The following ASIP variants were observed in gnomAD, a reference collection of about 807,000 sequenced individuals.
The protein encoded by ASIP is agouti signaling protein.
ASIP carries 11 observed loss-of-function variants against 10.3 expected under a neutral mutation model. The observed-to-expected ratio is 1.07, with a 90% CI of 0.68 to 1.78. The LOEUF (loss-of-function observed/expected upper bound fraction) is 1.78, where lower values mean the gene tolerates loss of function less well. Among genes scored for constraint, ASIP ranks in the 40% most tolerant of loss-of-function variants. The pLI is 0.00. For synonymous variants in ASIP, 70 were observed against 70.8 expected, an observed-to-expected ratio of 0.99 and a Z score of 0.06; for missense variants, 180 against 169.2, an observed-to-expected ratio of 1.06 and a Z score of -0.35.
At position 34,269,172 on chromosome 20, in the gene ASIP, C is replaced by A; in HGVS notation, c.*5C>A. 4.0e-6 allele frequency: 6 copies of A among 1,505,244 alleles called. No homozygotes were observed. Among genetic ancestry groups the A allele is most frequent in the Non-Finnish European group, 5.3e-6 (6 of 1,126,396 alleles). 93.2% of individuals were successfully genotyped at this position (1,505,244 alleles called of 1,614,324 possible). ...GTGCTCAGCCTCAACTGCTGAGCGC[C>A]CCCACTCCCGGCCGCGAGCAGGCAG... On this transcript the variant is annotated 3_prime_UTR_variant, in exon 4 of 4. Transcript: ENST00000374954.
At chr20:34,263,015 G>A (rs2035722215) in intron 3 of ASIP, 122 bp downstream of exon 3, 3 of 1,145,016 alleles carry the variant, frequency 2.6e-6, no homozygotes, top group Non-Finnish European at 3.7e-6. Context: ...ATTAACAAAA[G>A]AAACTGAAAG....
At chr20:34,242,870 A>T (rs1353277013) in intron 1 of ASIP, among the ~76,000 whole-genome samples, 2 of 152,242 alleles carry the variant, frequency 1.3e-5, no homozygotes, top group African/African-American at 4.8e-5. Context: ...ACCCCAGGTA[A>T]AGGAATTCAG....
rs1314145786 is a variant in ASIP at position 34,268,979 on chromosome 20, T to C, written c.223-12T>C. On this transcript the variant is annotated splice_polypyrimidine_tract_variant and intron_variant, in intron 3 of 3. Transcript: ENST00000374954. ...GTGGCCGGCTCATAAAGCCCCGGCGTTTCCCACGCAGAAGGAGGCTTCGAT... is the reference window on the plus strand; with the variant it reads ...GTGGCCGGCTCATAAAGCCCCGGCGCTTCCCACGCAGAAGGAGGCTTCGAT... The C allele has an allele frequency of 6.3e-7, 1 of 1,595,958 alleles. No homozygotes were observed. Among genetic ancestry groups the C allele is most frequent in the Non-Finnish European group, 8.5e-7 (1 of 1,171,894 alleles).
chr20:34,223,738 A>G (rs1170898085), intron 1 of ASIP, among the ~76,000 whole-genome samples: 14 of 140,498 alleles, frequency 1.0e-4, no homozygotes, highest in African/African-American at 3.8e-4. Flanking sequence ...CTCATTGAGA[A>G]CGGGCCAGGA....
intron 1 of ASIP, among the ~76,000 whole-genome samples, chr20:34,235,844 G>GAAAGAAAGAAAGAAAGAAA (rs1568756042): frequency 3.8e-5 from 1 of 26,028 alleles, no homozygotes; most frequent in Non-Finnish European, 5.8e-5. Flanking sequence ...AAAGAAAGAA[G>GAAAGAAAGAAAGAAAGAAA]GAAGGAAGGA....
chr20:34,202,993 A>T (rs1289692834), intron 1 of ASIP, among the ~76,000 whole-genome samples: 1 of 151,604 alleles, frequency 6.6e-6, no homozygotes. Flanking sequence ...TATTTTTAGT[A>T]GCGACGGGGT....
intron 1 of ASIP, among the ~76,000 whole-genome samples, chr20:34,250,758 C>A (rs1457786835): frequency 6.6e-6 from 1 of 152,130 alleles, no homozygotes; most frequent in African/African-American, 2.4e-5. Context: ...CTTCCATTCT[C>A]ATCTCTCACT....
At chr20:34,197,569 C>T (rs557510823) in intron 1 of ASIP, among the ~76,000 whole-genome samples, 17 of 152,300 alleles carry the variant, frequency 1.1e-4, no homozygotes, top group African/African-American at 3.1e-4. Flanking sequence ...GGGAAGTGTA[C>T]GCAGTGACCA....
rs1215561275 is a variant in ASIP, at chr20:34,201,017, CTTCTTTCTTTCTTTCT to C, written c.-11+6288_-11+6303del. ...CCTTCCTTCCTTCCTTCCTTCCTTC[CTTCTTTCTTTCTTTCT>C]TTCTTTCTTTCTTTCTTTCTTTCTT... is the stretch of plus-strand genomic sequence containing the variant. On this transcript the variant is annotated intron_variant, in intron 1 of 3. Coordinates refer to the ASIP transcript ENST00000568305. Among the ~76,000 whole-genome samples, 208 of 63,432 alleles carry C rather than the reference CTTCTTTCTTTCTTTCT, an allele frequency of 3.3e-3. 1 individual carries two copies. Among genetic ancestry groups the C allele is most frequent in the African/African-American group, 5.5e-3 (77 of 14,092 alleles). 41.6% of individuals were successfully genotyped at this position (63,432 alleles called of 152,430 possible). A position where few individuals can be genotyped will look rare whatever the true frequency, so the allele number is the denominator to read the frequency against.
intron 1 of ASIP, among the ~76,000 whole-genome samples, chr20:34,250,782 AG>A (rs1176510729): frequency 1.3e-5 from 2 of 152,100 alleles, no homozygotes; most frequent in African/African-American, 4.8e-5. Context: ...CCTCTGTCTC[AG>A]TAGGTACTTA....
chr20:34,212,414 C>CATAT (rs1324486024), intron 1 of ASIP, among the ~76,000 whole-genome samples: 9 of 152,162 alleles, frequency 5.9e-5, no homozygotes, highest in Admixed American at 2.0e-4. Context: ...AAATTTCATA[C>CATAT]ATATACATTA....
rs1180213511 is a variant in ASIP, at chr20:34,200,948, T to TTTTCTTTCTTTCTTTCTTTC, written c.-11+6193_-11+6212dup. On this transcript the variant is annotated intron_variant, in intron 1 of 3. Transcript: ENST00000568305. Reference sequence around the variant, plus strand: ...AGTGTTAGCTGTGTTTCAAACTTGATTTTCTTTCTTTCTTTCTTTCTTTCC... The same window carrying TTTTCTTTCTTTCTTTCTTTC: ...AGTGTTAGCTGTGTTTCAAACTTGATTTTCTTTCTTTCTTTCTTTCTTTCTTTCTTTCTTTCTTTCTTTCC... Among the ~76,000 whole-genome samples the TTTTCTTTCTTTCTTTCTTTC allele has an allele frequency of 1.8e-4, 26 of 140,942 alleles. 3 individuals carry two copies. The highest frequency in any genetic ancestry group is 7.1e-4 in the African/African-American group (25 of 35,262). 92.5% of individuals were successfully genotyped at this position (140,942 alleles called of 152,430 possible).
intron 1 of ASIP, chr20:34,215,577 C>T (rs1425815524): frequency 3.3e-6 from 5 of 1,502,598 alleles, no homozygotes; most frequent in Middle Eastern, 1.7e-4. Flanking sequence ...AGGACTTGGG[C>T]GGCTTTATTT....
chr20:34,248,887 C>T (rs940588989), intron 1 of ASIP, among the ~76,000 whole-genome samples: 11 of 151,070 alleles, frequency 7.3e-5, no homozygotes, highest in African/African-American at 2.4e-4. Flanking sequence ...AGCAATTCAA[C>T]GTTCGAAGAG....
At chr20:34,264,789 A>ATTTTT (rs34382186) in intron 3 of ASIP, among the ~76,000 whole-genome samples, 7 of 104,204 alleles carry the variant, frequency 6.7e-5, no homozygotes, top group Non-Finnish European at 1.1e-4. Flanking sequence ...AGTTTACTTC[A>ATTTTT]TTTTTTTTTT....
At chr20:34,225,937 A>C (rs1268972461) in intron 1 of ASIP, among the ~76,000 whole-genome samples, 1 of 151,368 alleles carries the variant, frequency 6.6e-6, no homozygotes, top group Non-Finnish European at 1.5e-5. Context: ...TGTGTCGCCC[A>C]GGCTGGAGTG....
chr20:34,219,691 G>T (rs2035032201), intron 1 of ASIP, among the ~76,000 whole-genome samples: 1 of 152,352 alleles, frequency 6.6e-6, no homozygotes, highest in South Asian at 2.1e-4. Context: ...CAAGTGTAAG[G>T]TTGCTTGTGG....
At chr20:34,200,974 TTCCTTCCTTCCTTCCTTCCTTCC>T (rs2034889932) in intron 1 of ASIP, among the ~76,000 whole-genome samples, 953 of 65,330 alleles carry the variant, frequency 0.015, 46 homozygotes, top group African/African-American at 0.033. Context: ...CTTTCTTTCC[TTCCTTCCTTCCTTCCTTCCTTCC>T]TTCCTTCCTT....
intron 1 of ASIP, chr20:34,215,101 A>G: frequency 1.9e-6 from 3 of 1,569,662 alleles, no homozygotes; most frequent in Non-Finnish European, 2.6e-6. Context: ...CAAAGATTCT[A>G]CTAGTTTCAT....
Sources: gnomAD v4.1 joint callset for allele counts (sites outside exome capture counted in the v4.1 genomes callset) on GRCh38, gnomAD v4.1.1 for gene constraint, MANE v1.5 for transcripts, NCBI Gene and HGNC (gene_info 2026-07-23, HGNC 2026-07-21) for gene names.